The following NCAM1 variants were observed in gnomAD, a reference collection of about 807,000 sequenced individuals.
The protein encoded by NCAM1 is neural cell adhesion molecule 1.
A neutral mutation model predicts 109.8 loss-of-function variants in NCAM1; 14 were observed. The observed-to-expected ratio is 0.13, with a 90% CI of 0.08 to 0.20. The LOEUF is 0.20. Ranked by LOEUF, NCAM1 falls within the 10% of genes least tolerant of loss-of-function variation. The probability of loss-of-function intolerance (pLI) is 1.00; values close to 1 mark genes in which losing one functional copy is unlikely to be tolerated. For synonymous variants in NCAM1, 418 were observed against 442.9 expected, an observed-to-expected ratio of 0.94 and a Z score of 0.70; for missense variants, 774 against 1,109.9, an observed-to-expected ratio of 0.70 and a Z score of 4.30.
At chr11:113,185,079 T>TATATATATAGAGAGAGAGAGAGAGAGAG in intron 1 of NCAM1, among the ~76,000 whole-genome samples, 1 of 125,750 alleles carries the variant, frequency 8.0e-6, no homozygotes, top group Non-Finnish European at 1.6e-5. Flanking sequence ...TATATATATA[T>TATATATATAGAGAGAGAGAGAGAGAGAG]AGAGAGAGAG....
intron 1 of NCAM1, among the ~76,000 whole-genome samples, chr11:113,131,848 G>T (rs1487602528): frequency 6.6e-6 from 1 of 152,204 alleles, no homozygotes; most frequent in Non-Finnish European, 1.5e-5. Flanking sequence ...ACGTGGTTAT[G>T]GCTTACTGGT....
chr11:113,041,760 G>A (rs1953083857), intron 1 of NCAM1, among the ~76,000 whole-genome samples: 1 of 152,036 alleles, frequency 6.6e-6, no homozygotes, highest in African/African-American at 2.4e-5. Flanking sequence ...TCCAGGGTGA[G>A]GTCTGACTGG....
intron 17 of NCAM1, among the ~76,000 whole-genome samples, chr11:113,265,480 G>A (rs552279379): frequency 6.6e-6 from 1 of 152,322 alleles, no homozygotes; most frequent in South Asian, 2.1e-4. Context: ...GCCACACTCT[G>A]AGCCAACAGA....
chr11:113,088,068 A>G (rs1329158650), intron 1 of NCAM1, among the ~76,000 whole-genome samples: 2 of 152,246 alleles, frequency 1.3e-5, no homozygotes, highest in African/African-American at 2.4e-5. Context: ...TATTTCAACA[A>G]AACAAATGGT....
intron 1 of NCAM1, among the ~76,000 whole-genome samples, chr11:113,127,440 A>C (rs1253870523): frequency 6.6e-6 from 1 of 152,206 alleles, no homozygotes; most frequent in African/African-American, 2.4e-5. Context: ...CATTTAAAAT[A>C]AAGCTTGCAT....
chr11:113,006,524 A>G (rs1387472340), intron 1 of NCAM1, among the ~76,000 whole-genome samples: 1 of 152,206 alleles, frequency 6.6e-6, no homozygotes, highest in Non-Finnish European at 1.5e-5. Context: ...CACTTTAAAC[A>G]AGTAAATAAA....
At chr11:113,256,130 C>T in intron 16 of NCAM1, 129 bp downstream of exon 16, 1 of 1,248,556 alleles carries the variant, frequency 8.0e-7, no homozygotes. Flanking sequence ...GGCAGGTGGC[C>T]CATGGGCCCT....
chr11:113,171,231 A>G (rs1942979477), intron 1 of NCAM1, among the ~76,000 whole-genome samples: 1 of 152,236 alleles, frequency 6.6e-6, no homozygotes. Flanking sequence ...ACAGCTCTTA[A>G]GTAAGTGGCA....
chr11:113,164,106 C>T (rs1002501897), intron 1 of NCAM1, among the ~76,000 whole-genome samples: 1 of 152,152 alleles, frequency 6.6e-6, no homozygotes, highest in African/African-American at 2.4e-5. Context: ...GCTCTGCAGT[C>T]TGCATTTAGC....
intron 1 of NCAM1, among the ~76,000 whole-genome samples, chr11:112,995,596 A>G (rs1354121518): frequency 6.6e-6 from 1 of 152,222 alleles, no homozygotes; most frequent in Non-Finnish European, 1.5e-5. Context: ...AGATTAAGGC[A>G]CTAATTAGCA....
chr11:113,153,197 C>T lies in NCAM1; in HGVS notation c.53-49182C>T, dbSNP rs7925048. On this transcript the variant is annotated intron_variant, in intron 1 of 19. Transcript: ENST00000316851. ...AGCTGGCACTACAGGCACCCGCCAC[C>T]ACGCCCAGCTAATTTTAGTATTTTA... Among the ~76,000 whole-genome samples the T allele has an allele frequency of 9.2e-3, 1,408 of 152,226 alleles. 17 individuals carry two copies. The highest frequency in any genetic ancestry group is 0.032 in the African/African-American group (1,323 of 41,528).
chr11:113,270,434 C>G, intron 18 of NCAM1, 39 bp downstream of exon 18: 1 of 1,596,308 alleles, frequency 6.3e-7, no homozygotes, highest in Non-Finnish European at 8.6e-7. Flanking sequence ...GGTTTGGGCT[C>G]TGCTCCAGCC....
At chr11:113,170,989 T>C (rs1463588616) in intron 1 of NCAM1, among the ~76,000 whole-genome samples, 1 of 152,174 alleles carries the variant, frequency 6.6e-6, no homozygotes, top group Non-Finnish European at 1.5e-5. Context: ...ACTTGATCTT[T>C]AGGGGTCTTG....
chr11:113,187,591 T>TG lies in NCAM1; in HGVS notation c.53-14788_53-14787insG, dbSNP rs1565487070. Among the ~76,000 whole-genome samples the TG allele has an allele frequency of 3.7e-5, 4 of 107,858 alleles. No homozygotes were observed. In the South Asian group the frequency reaches 8.9e-4, roughly 24 times the overall value. The allele number at this position is 107,858 out of a possible 152,430, so 70.8% of individuals were successfully genotyped here. A position where few individuals can be genotyped will look rare whatever the true frequency, so the allele number is the denominator to read the frequency against. ...TGTGTGTGTGTGTGTGTGTGTGTGT[T>TG]TTGGCATTAAGATCTGCATAAGCTA... On this transcript the variant is annotated intron_variant, in intron 1 of 19. Coordinates refer to ENST00000316851, the MANE Select transcript of NCAM1 (RefSeq NM_181351.5).
chr11:113,094,635 T>C (rs1357281845), intron 1 of NCAM1, among the ~76,000 whole-genome samples: 2 of 152,228 alleles, frequency 1.3e-5, no homozygotes, highest in African/African-American at 4.8e-5. Context: ...GGGCTTGTAA[T>C]TCGCTGCTGT....
chr11:113,139,975 T>C (rs1306228429), intron 1 of NCAM1, among the ~76,000 whole-genome samples: 13 of 152,216 alleles, frequency 8.5e-5, no homozygotes, highest in African/African-American at 3.1e-4. Flanking sequence ...AGAAATTCCC[T>C]GGAGATCAAA....
At chr11:113,172,612 C>T (rs1451332133) in intron 1 of NCAM1, among the ~76,000 whole-genome samples, 7 of 152,150 alleles carry the variant, frequency 4.6e-5, no homozygotes, top group Non-Finnish European at 1.0e-4. Flanking sequence ...GACAGACTGG[C>T]ATTTTAGCTG....
At chr11:113,203,906 G>A (rs555963084) in intron 2 of NCAM1, among the ~76,000 whole-genome samples, 56 of 152,288 alleles carry the variant, frequency 3.7e-4, no homozygotes, top group Non-Finnish European at 6.5e-4. Context: ...TCTGGCGCCC[G>A]AATCCTAAAT....
intron 1 of NCAM1, among the ~76,000 whole-genome samples, chr11:113,131,204 A>G (rs1046277091): frequency 6.6e-6 from 1 of 151,920 alleles, no homozygotes; most frequent in African/African-American, 2.4e-5. Flanking sequence ...ATTGAAGTCT[A>G]TTTGTCTTTT....
Sources: gnomAD v4.1 joint callset for allele counts (sites outside exome capture counted in the v4.1 genomes callset) on GRCh38, gnomAD v4.1.1 for gene constraint, MANE v1.5 for transcripts, NCBI Gene and HGNC (gene_info 2026-07-23, HGNC 2026-07-21) for gene names.